Variants in TENM3 observed in about 807,000 individuals in gnomAD.
The protein encoded by TENM3 is teneurin-3.
Under a neutral mutation model 255.1 loss-of-function variants are expected in TENM3, and 63 were observed. The ratio of observed to expected loss-of-function variants is 0.25; its 90% confidence interval spans 0.20 to 0.30. TENM3 has a LOEUF of 0.30. TENM3 is among the 10% of genes least tolerant of loss of function. The pLI is 1.00. For missense variants in TENM3, 2,929 were observed against 3,461.1 expected, an observed-to-expected ratio of 0.85 and a Z score of 3.86; for synonymous variants, 1,306 against 1,322.3, an observed-to-expected ratio of 0.99 and a Z score of 0.27.
At chr4:182,487,534 A>G (rs1734877672) in intron 3 of TENM3, among the ~76,000 whole-genome samples, 1 of 152,134 alleles carries the variant, frequency 6.6e-6, no homozygotes, top group Non-Finnish European at 1.5e-5. Flanking sequence ...TATTAAGTAT[A>G]CCACTGAAAA....
At chr4:181,709,225 G>A in the TENM3 span, among the ~76,000 whole-genome samples, 1 of 152,284 alleles carries the variant, frequency 6.6e-6, no homozygotes, top group African/African-American at 2.4e-5. Flanking sequence ...CTACTGTGTA[G>A]CACGTATTGT....
intron 3 of TENM3, among the ~76,000 whole-genome samples, chr4:182,374,914 T>C (rs1384696476): frequency 6.6e-6 from 1 of 152,202 alleles, no homozygotes; most frequent in Non-Finnish European, 1.5e-5. Context: ...TTTCCATTCT[T>C]TCCTTGCAAT....
At chr4:182,490,932 T>C (rs899947941) in intron 3 of TENM3, among the ~76,000 whole-genome samples, 31 of 152,202 alleles carry the variant, frequency 2.0e-4, no homozygotes, top group African/African-American at 7.0e-4. Context: ...ATAGGGCACA[T>C]AGTAGATACA....
chr4:182,287,459 G>A (rs903769701), intron 1 of TENM3, among the ~76,000 whole-genome samples: 2 of 151,964 alleles, frequency 1.3e-5, no homozygotes, highest in African/African-American at 2.4e-5. Flanking sequence ...CTGCTTCTTC[G>A]TTTCCGTTCC....
the TENM3 span, among the ~76,000 whole-genome samples, chr4:181,912,950 T>G: frequency 6.6e-6 from 1 of 152,146 alleles, no homozygotes; most frequent in African/African-American, 2.4e-5. Flanking sequence ...GCAGGGCTTC[T>G]GTGCAGAAAT....
the TENM3 span, among the ~76,000 whole-genome samples, chr4:181,688,033 T>C: frequency 1.3e-5 from 2 of 152,162 alleles, no homozygotes; most frequent in East Asian, 3.9e-4. Context: ...CTTTTGTAAA[T>C]CACTTATGTA....
At chr4:182,060,502 G>A in the TENM3 span, among the ~76,000 whole-genome samples, 1 of 152,100 alleles carries the variant, frequency 6.6e-6, no homozygotes, top group Admixed American at 6.5e-5. Flanking sequence ...CCGACAGGAG[G>A]CAGAGCTCAG....
At chr4:181,497,556 G>C in the TENM3 span, among the ~76,000 whole-genome samples, 1 of 152,140 alleles carries the variant, frequency 6.6e-6, no homozygotes, top group African/African-American at 2.4e-5. Context: ...TGAATAAAGT[G>C]ATCATGAGGC....
chr4:181,729,263 C>T, the TENM3 span, among the ~76,000 whole-genome samples: 2,834 of 152,190 alleles, frequency 0.019, 46 homozygotes, highest in Middle Eastern at 0.12. Context: ...ATCTGGGCCT[C>T]GAAAGACACT....
chr4:182,514,742 G>C (rs1159496717), intron 3 of TENM3, among the ~76,000 whole-genome samples: 5 of 151,774 alleles, frequency 3.3e-5, no homozygotes, highest in African/African-American at 1.2e-4. Flanking sequence ...CACTGATCTG[G>C]AGCATTAAAA....
At chr4:182,480,667 T>C (rs1734110152) in intron 3 of TENM3, among the ~76,000 whole-genome samples, 1 of 152,120 alleles carries the variant, frequency 6.6e-6, no homozygotes, top group Non-Finnish European at 1.5e-5. Flanking sequence ...AACAGTACTA[T>C]TTAATGAACA....
intron 16 of TENM3, among the ~76,000 whole-genome samples, chr4:182,731,743 C>G (rs1030924508): frequency 1.4e-5 from 2 of 142,082 alleles, no homozygotes; most frequent in Non-Finnish European, 3.0e-5. Context: ...GTGTGTCCTA[C>G]AGTAGACATT....
chr4:182,285,290 A>G (rs899238011), intron 1 of TENM3, among the ~76,000 whole-genome samples: 2 of 152,008 alleles, frequency 1.3e-5, no homozygotes, highest in African/African-American at 2.4e-5. Flanking sequence ...AGCATGCTAG[A>G]TAGAATATGG....
At chr4:181,859,649 C>T in the TENM3 span, among the ~76,000 whole-genome samples, 1 of 152,180 alleles carries the variant, frequency 6.6e-6, no homozygotes, top group African/African-American at 2.4e-5. Context: ...TTTAAGACTA[C>T]TCAGTGGTAC....
At chr4:181,782,116 AGG>A in the TENM3 span, among the ~76,000 whole-genome samples, 4 of 152,282 alleles carry the variant, frequency 2.6e-5, no homozygotes, top group South Asian at 8.3e-4. Context: ...CTTTGGTATC[AGG>A]ATGATGCTGG....
At chr4:182,372,760 G>A (rs1050173016) in intron 3 of TENM3, among the ~76,000 whole-genome samples, 5 of 151,912 alleles carry the variant, frequency 3.3e-5, no homozygotes, top group African/African-American at 1.2e-4. Flanking sequence ...TTTGAGTCTC[G>A]CTCTGTCACT....
chr4:182,760,052 G>A (rs2152763657), intron 22 of TENM3, among the ~76,000 whole-genome samples: 1 of 152,214 alleles, frequency 6.6e-6, no homozygotes, highest in South Asian at 2.1e-4. Flanking sequence ...ATTCATTACG[G>A]ACTGAGTAAA....
chr4:181,754,836 C>A, the TENM3 span, among the ~76,000 whole-genome samples: 4 of 152,160 alleles, frequency 2.6e-5, 1 homozygote, highest in South Asian at 8.3e-4. Flanking sequence ...CATTATTAGT[C>A]ATGACCCTTA....
At chr4:182,243,221 T>C (rs1757396033), upstream of TENM3, among the ~76,000 whole-genome samples, 1 of 152,116 alleles carries the variant, frequency 6.6e-6, no homozygotes, top group Non-Finnish European at 1.5e-5. Flanking sequence ...TTCAAGCAAT[T>C]CCCCTGCCTC....
Sources: gnomAD v4.1 joint callset for allele counts (sites outside exome capture counted in the v4.1 genomes callset) on GRCh38, gnomAD v4.1.1 for gene constraint, MANE v1.5 for transcripts, NCBI Gene and HGNC (gene_info 2026-07-23, HGNC 2026-07-21) for gene names.